TLE1: variants seen among roughly 807,000 people sequenced by gnomAD.
TLE1 encodes transducin-like enhancer protein 1.
Under a neutral mutation model 89.8 loss-of-function variants are expected in TLE1, and 21 were observed. The observed-to-expected ratio is 0.23, with a 90% CI of 0.17 to 0.34. TLE1 has a LOEUF of 0.34. Ranked by LOEUF, TLE1 falls within the 10% of genes least tolerant of loss-of-function variation. TLE1 has a pLI of 1.00. For missense variants in TLE1, 795 were observed against 1,031.2 expected (o/e 0.77, Z 3.14); for synonymous variants, 447 against 407.6 (o/e 1.10, Z -1.16).
intron 14 of TLE1, chr9:81,600,124 G>T (rs1424959562): frequency 9.5e-6 from 7 of 736,074 alleles, no homozygotes; most frequent in African/African-American, 6.9e-5. Flanking sequence ...CTCCTAAACA[G>T]GACAAAGATA....
At chr9:81,594,081 T>C (rs1829901279) in intron 14 of TLE1, among the ~76,000 whole-genome samples, 1 of 152,136 alleles carries the variant, frequency 6.6e-6, no homozygotes, top group Admixed American at 6.6e-5. Flanking sequence ...TCTCTGTAAC[T>C]TTCCACTCTA....
intron 6 of TLE1, among the ~76,000 whole-genome samples, chr9:81,645,504 G>A (rs1828745433): frequency 6.6e-6 from 1 of 152,090 alleles, no homozygotes; most frequent in East Asian, 1.9e-4. Context: ...ACTTTGAGAG[G>A]CCGAGATGGG....
chr9:81,587,927 T>C (rs868659893), intron 16 of TLE1, 99 bp from the exon 17 acceptor site: 2 of 910,484 alleles, frequency 2.2e-6, no homozygotes, highest in Non-Finnish European at 1.5e-6. Flanking sequence ...TGTGTGTGTG[T>C]GTGTGTGTGT....
At chr9:81,622,747 T>C (rs1825430408) in intron 8 of TLE1, among the ~76,000 whole-genome samples, 1 of 152,136 alleles carries the variant, frequency 6.6e-6, no homozygotes, top group East Asian at 1.9e-4. Context: ...ATGGGCCCCA[T>C]TCAACAGCAG....
intron 9 of TLE1, among the ~76,000 whole-genome samples, chr9:81,618,426 T>C (rs1486892465): frequency 6.6e-6 from 1 of 152,168 alleles, no homozygotes; most frequent in African/African-American, 2.4e-5. Context: ...CCCAGAGCAC[T>C]ACACGTGAGA....
intron 6 of TLE1, among the ~76,000 whole-genome samples, chr9:81,636,781 G>C (rs1384453162): frequency 6.6e-6 from 1 of 152,094 alleles, no homozygotes; most frequent in Non-Finnish European, 1.5e-5. Context: ...AAGGCAAGTG[G>C]ATCACGAGGT....
intron 4 of TLE1, among the ~76,000 whole-genome samples, chr9:81,676,560 A>T (rs1041553323): frequency 6.6e-6 from 1 of 152,216 alleles, no homozygotes; most frequent in Non-Finnish European, 1.5e-5. Context: ...ATTTGGCAGG[A>T]TAAAAGGAAA....
At chr9:81,662,291 T>G (rs1830895792) in intron 4 of TLE1, among the ~76,000 whole-genome samples, 2 of 151,722 alleles carry the variant, frequency 1.3e-5, no homozygotes, top group South Asian at 2.1e-4. Context: ...ACTTTGATAA[T>G]GATGCTAAAA....
chr9:81,593,094 C>T lies in TLE1; in HGVS notation c.1512G>A (p.Lys504=). ...NPTRHVYTGG[K]GCVKVWDISH... is the part of the protein sequence containing the mutation. ...TGATGTCCCAGACCTTGACGCAGCC[C>T]TTCCCGCCTGTGTACACGTGTCTCG... Residue 504 remains lysine (K), a synonymous_variant, in exon 15 of 20, where the codon AAG becomes AAA. Transcript: ENST00000376499. The T allele has an allele frequency of 6.2e-7, 1 of 1,614,176 alleles. No individual in the cohort carries two copies. The highest frequency in any genetic ancestry group is 8.5e-7 in the Non-Finnish European group (1 of 1,180,038).
intron 15 of TLE1, among the ~76,000 whole-genome samples, chr9:81,592,069 C>T (rs1468693067): frequency 6.6e-6 from 1 of 152,152 alleles, no homozygotes; most frequent in Middle Eastern, 3.2e-3. Context: ...GTTTAGAAAT[C>T]GGAACATGGC....
intron 14 of TLE1, among the ~76,000 whole-genome samples, chr9:81,604,867 T>G (rs1386033321): frequency 6.6e-6 from 1 of 152,144 alleles, no homozygotes. Flanking sequence ...CGCTTCAGCT[T>G]CACCCCACGA....
chr9:81,688,245 C>A lies in TLE1; in HGVS notation c.-5G>T, dbSNP rs528579180. The A allele has an allele frequency of 6.3e-6, 10 of 1,585,810 alleles. No homozygotes were observed. In the Admixed American group the frequency reaches 1.8e-4, roughly 28 times the overall value. On this transcript the variant is annotated 5_prime_UTR_variant, in exon 1 of 20. Coordinates refer to ENST00000376499, the MANE Select transcript of TLE1 (RefSeq NM_005077.5). ...GTGCCGGCTCTGCGGGAACATCGCT[C>A]TGGCGGCGGCCGGGGCTCTGTTCCC...
chr9:81,670,058 G>A (rs1200248578), intron 4 of TLE1, among the ~76,000 whole-genome samples: 3 of 152,116 alleles, frequency 2.0e-5, no homozygotes, highest in African/African-American at 2.4e-5. Context: ...CCATGACAAC[G>A]TTGGCCAACC....
intron 18 of TLE1, 129 bp downstream of exon 18, chr9:81,585,376 C>T: frequency 8.2e-7 from 1 of 1,216,352 alleles, no homozygotes; most frequent in South Asian, 1.5e-5. Context: ...CATATTAAAA[C>T]AATAGAATTA....
intron 8 of TLE1, among the ~76,000 whole-genome samples, chr9:81,627,588 G>A (rs1022330640): frequency 3.9e-5 from 6 of 152,068 alleles, no homozygotes; most frequent in African/African-American, 1.4e-4. Flanking sequence ...TGGCCAGAAG[G>A]GAAACCTGCC....
chr9:81,655,346 G>A (rs1564033217), intron 4 of TLE1, among the ~76,000 whole-genome samples: 2 of 152,088 alleles, frequency 1.3e-5, no homozygotes, highest in Non-Finnish European at 2.9e-5. Context: ...CTGTGCGACA[G>A]TGAGACTCCA....
chr9:81,599,711 G>A (rs1305517119), intron 14 of TLE1, among the ~76,000 whole-genome samples: 1 of 152,064 alleles, frequency 6.6e-6, no homozygotes, highest in African/African-American at 2.4e-5. Context: ...AATTTTTCCA[G>A]TTTGGCCATT....
intron 4 of TLE1, among the ~76,000 whole-genome samples, chr9:81,677,245 C>CA (rs71359022): frequency 6.9e-5 from 10 of 144,936 alleles, no homozygotes; most frequent in East Asian, 2.1e-4. Context: ...TTCCCCCCCC[C>CA]AAAAAAAAGA....
intron 8 of TLE1, among the ~76,000 whole-genome samples, chr9:81,624,203 C>T (rs1390331033): frequency 3.9e-5 from 6 of 152,150 alleles, no homozygotes; most frequent in African/African-American, 1.4e-4. Context: ...CAACAGAATG[C>T]CTTGCTTTAA....
Sources: gnomAD v4.1 joint callset for allele counts (sites outside exome capture counted in the v4.1 genomes callset) on GRCh38, gnomAD v4.1.1 for gene constraint, MANE v1.5 for transcripts, NCBI Gene and HGNC (gene_info 2026-07-23, HGNC 2026-07-21) for gene names.